CCDC148: variants seen among roughly 807,000 people sequenced by gnomAD.
The protein encoded by CCDC148 is coiled-coil domain-containing protein 148.
In CCDC148, 89 loss-of-function variants were observed where a neutral mutation model predicts 85.7. The ratio of observed to expected loss-of-function variants is 1.04; its 90% confidence interval spans 0.87 to 1.24. The LOEUF (loss-of-function observed/expected upper bound fraction) is 1.24. CCDC148 is among the 50% of genes most tolerant of loss of function. The pLI is 0.00. For missense variants in CCDC148, 692 were observed against 671.7 expected (o/e 1.03, Z -0.33); for synonymous variants, 230 against 213.9 (o/e 1.08, Z -0.66).
chr2:158,264,749 G>A (rs1216165976), intron 9 of CCDC148, among the ~76,000 whole-genome samples: 1 of 152,020 alleles, frequency 6.6e-6, no homozygotes, highest in Non-Finnish European at 1.5e-5. Flanking sequence ...CAGTCATCTT[G>A]AATTTTTTCC....
chr2:158,176,249 A>G (rs902773694), intron 13 of CCDC148, among the ~76,000 whole-genome samples: 1 of 152,016 alleles, frequency 6.6e-6, no homozygotes, highest in African/African-American at 2.4e-5. Context: ...AAAATTTTAT[A>G]AAGCATTTTT....
At chr2:158,344,767 C>G (rs11890559) in intron 3 of CCDC148, among the ~76,000 whole-genome samples, 25,769 of 152,016 alleles carry the variant, frequency 0.17, 3,486 homozygotes, top group African/African-American at 0.38. Context: ...ACTTGAACTC[C>G]TTGTTCATTA....
At chr2:158,281,422 C>T (rs1303672920) in intron 9 of CCDC148, among the ~76,000 whole-genome samples, 1 of 151,910 alleles carries the variant, frequency 6.6e-6, no homozygotes, top group African/African-American at 2.4e-5. Context: ...CAAATAGACG[C>T]AATAAAAAAT....
intron 7 of CCDC148, among the ~76,000 whole-genome samples, chr2:158,314,506 C>T (rs1185710784): frequency 6.6e-6 from 1 of 152,148 alleles, no homozygotes; most frequent in Non-Finnish European, 1.5e-5. Context: ...CAAATAGGAT[C>T]CCTTCAAGTC....
chr2:158,268,022 G>A (rs748842775), intron 9 of CCDC148, among the ~76,000 whole-genome samples: 8 of 152,158 alleles, frequency 5.3e-5, no homozygotes, highest in Non-Finnish European at 5.9e-5. Context: ...GTTGTTTCCA[G>A]TTTTTGATGA....
intron 9 of CCDC148, among the ~76,000 whole-genome samples, chr2:158,278,133 A>T (rs1690049354): frequency 1.3e-5 from 2 of 152,264 alleles, no homozygotes; most frequent in South Asian, 4.1e-4. Flanking sequence ...ATTTGAAAAT[A>T]AAACCGGAGG....
chr2:158,333,513 T>C (rs370723948), intron 7 of CCDC148, among the ~76,000 whole-genome samples: 2 of 152,248 alleles, frequency 1.3e-5, no homozygotes, highest in African/African-American at 4.8e-5. Context: ...GGTGGAGAGT[T>C]CTGTAGATGT....
intron 11 of CCDC148, among the ~76,000 whole-genome samples, chr2:158,182,176 G>T (rs570865573): frequency 2.0e-5 from 3 of 152,234 alleles, no homozygotes; most frequent in African/African-American, 7.2e-5. Flanking sequence ...CAAGATCTGG[G>T]CTGGAGAAAT....
chr2:158,225,095 A>G (rs1432530688), intron 10 of CCDC148, among the ~76,000 whole-genome samples: 2 of 152,230 alleles, frequency 1.3e-5, no homozygotes, highest in Non-Finnish European at 2.9e-5. Flanking sequence ...CTCAAAATAA[A>G]GGGATGGAGG....
chr2:158,315,362 A>C (rs139438015), intron 7 of CCDC148, among the ~76,000 whole-genome samples: 150 of 152,328 alleles, frequency 9.8e-4, no homozygotes, highest in African/African-American at 3.6e-3. Context: ...ACATAAATGC[A>C]TTTTAATAGC....
chr2:158,361,320 G>A (rs569784707), intron 1 of CCDC148, among the ~76,000 whole-genome samples: 1 of 152,242 alleles, frequency 6.6e-6, no homozygotes, highest in South Asian at 2.1e-4. Flanking sequence ...AGGAAATACA[G>A]AGAACACCAC....
rs1235839821 is a variant in CCDC148, at chr2:158,340,366, G to A, written c.362C>T (p.Thr121Ile). 1.2e-6 allele frequency: 2 copies of A among 1,613,778 alleles called. No individual in the cohort carries two copies. Among genetic ancestry groups the A allele is most frequent in the East Asian group, 2.2e-5 (1 of 44,806 alleles). The change falls in exon 5 of 14, where the codon ACA (threonine) becomes ATA (isoleucine). Residue 121 changes from threonine (T) to isoleucine (I), a missense_variant. Coordinates refer to ENST00000283233, the MANE Select transcript of CCDC148 (RefSeq NM_138803.4). Reference protein sequence around the residue: ...FEQELSEQQCTYLKNVINPIQ... With the variant: ...FEQELSEQQCIYLKNVINPIQ... ...AGGATTTATTACATTTTTAAGATAT[G>A]TGCACTGTTGTTCTGATAGCTCTTG... is the stretch of plus-strand genomic sequence containing the variant.
At chr2:158,301,553 G>A (rs1574580012) in intron 9 of CCDC148, among the ~76,000 whole-genome samples, 2 of 152,216 alleles carry the variant, frequency 1.3e-5, no homozygotes, top group African/African-American at 2.4e-5. Flanking sequence ...GCGGAATCAC[G>A]AGGAGGCTTA....
At chr2:158,453,380 G>C (rs771650588) in intron 1 of CCDC148, among the ~76,000 whole-genome samples, 34 of 152,244 alleles carry the variant, frequency 2.2e-4, no homozygotes, top group Non-Finnish European at 3.5e-4. Flanking sequence ...CAGAGGATGG[G>C]GATGGGGTGG....
At chr2:158,377,611 T>G (rs1387108182) in intron 1 of CCDC148, among the ~76,000 whole-genome samples, 7 of 152,122 alleles carry the variant, frequency 4.6e-5, no homozygotes, top group Admixed American at 4.6e-4. Flanking sequence ...CCTTGTTTTG[T>G]GCTTCATTTC....
chr2:158,293,563 T>C lies in CCDC148; in HGVS notation c.1110+15870A>G, dbSNP rs559154365. On this transcript the variant is annotated intron_variant, in intron 9 of 13. Coordinates refer to ENST00000283233, the MANE Select transcript of CCDC148 (RefSeq NM_138803.4). Reference sequence around the variant, plus strand: ...GGACTATAGTCACCACTTAACAAAATGTTTTTTTCCCCTAAAATTTTCCCT... The same window carrying C: ...GGACTATAGTCACCACTTAACAAAACGTTTTTTTCCCCTAAAATTTTCCCT... Among the ~76,000 whole-genome samples, 8 of 152,242 alleles carry C rather than the reference T, an allele frequency of 5.3e-5. No individual in the cohort carries two copies. In the East Asian group the frequency reaches 9.7e-4, roughly 18 times the overall value.
chr2:158,220,595 C>G lies in CCDC148; in HGVS notation c.1370G>C (p.Arg457Thr). 6.3e-7 allele frequency: 1 copy of G among 1,598,890 alleles called. No individual in the cohort carries two copies. Among genetic ancestry groups the G allele is most frequent in the Non-Finnish European group, 8.5e-7 (1 of 1,172,216 alleles). The change falls in exon 11 of 14, where the codon AGG becomes ACG. Residue 457 changes from arginine (R) to threonine (T), a missense_variant and splice_region_variant. Arg to Thr is a moderately conservative substitution (Grantham distance 71). Coordinates refer to ENST00000283233, the MANE Select transcript of CCDC148 (RefSeq NM_138803.4). ...IAEQSLKDRE[R>T]VKYRQELLER... ...CACACAATTTTAAATTTTCTTTTAC[C>G]TTTCTCTGTCTTTTAGTGACTGTTC...
intron 9 of CCDC148, among the ~76,000 whole-genome samples, chr2:158,276,045 T>C (rs1025884642): frequency 2.0e-5 from 3 of 151,656 alleles, no homozygotes; most frequent in Non-Finnish European, 4.4e-5. Flanking sequence ...ACATGTAAAA[T>C]GGTGATATGT....
At chr2:158,212,535 C>T (rs924623890) in intron 11 of CCDC148, among the ~76,000 whole-genome samples, 3 of 152,066 alleles carry the variant, frequency 2.0e-5, no homozygotes, top group Non-Finnish European at 4.4e-5. Context: ...ACACTAGATT[C>T]GCAAGGCCAA....
Sources: gnomAD v4.1 joint callset for allele counts (sites outside exome capture counted in the v4.1 genomes callset) on GRCh38, gnomAD v4.1.1 for gene constraint, MANE v1.5 for transcripts, NCBI Gene and HGNC (gene_info 2026-07-23, HGNC 2026-07-21) for gene names.